Variants in RNF17 observed in about 807,000 individuals in gnomAD.
RNF17 encodes the protein ring finger protein 17, also known as spermatogenesis associated 23.
In RNF17, 31 loss-of-function variants were observed where a neutral mutation model predicts 200.5. The ratio of observed to expected loss-of-function variants is 0.15; its 90% CI spans 0.12 to 0.21. RNF17 has a LOEUF of 0.21. Ranked by LOEUF, RNF17 falls within the 10% of genes least tolerant of loss-of-function variation. The pLI is 1.00. For missense variants in RNF17, 1,628 were observed against 1,905.1 expected, an observed-to-expected ratio of 0.85 and a Z score of 2.71; for synonymous variants, 606 against 637.8, an observed-to-expected ratio of 0.95 and a Z score of 0.75.
the RNF17 span, chr13:24,885,499 G>A: frequency 4.2e-5 from 50 of 1,185,458 alleles, no homozygotes; most frequent in Middle Eastern, 1.3e-3. Flanking sequence ...ATAATGTTAA[G>A]TAAAAACTCT....
Position 24,825,524 on chromosome 13 carries a change from T to C in RNF17, c.2092-95T>C, listed in dbSNP as rs992922041. 5 of 827,192 alleles carry C rather than the reference T, an allele frequency of 6.0e-6. No homozygotes were observed. The African/African-American group carries it at 8.5e-5, about 14-fold the overall frequency. 51.2% of individuals were successfully genotyped at this position (827,192 alleles called of 1,614,324 possible). A position where few individuals can be genotyped will look rare whatever the true frequency, so the allele number is the denominator to read the frequency against. On this transcript the variant is annotated intron_variant, in intron 15 of 35. Coordinates refer to ENST00000255324, the MANE Select transcript of RNF17 (RefSeq NM_031277.3). ...GATTTACATTCAATTCAAGTTTTAA[T>C]GTTTCATAATTTCAATGACAGTGCT...
chr13:24,883,912 TG>T, downstream of RNF17: 1 of 1,612,422 alleles, frequency 6.2e-7, no homozygotes, highest in Non-Finnish European at 8.5e-7. Flanking sequence ...TGAGCACAGA[TG>T]AACAGGTGTC....
At chr13:24,856,120 C>T (rs769206798) in intron 25 of RNF17, among the ~76,000 whole-genome samples, 4 of 151,922 alleles carry the variant, frequency 2.6e-5, no homozygotes, top group South Asian at 2.1e-4. Context: ...TTTTGTATCT[C>T]GTTTTAAATC....
chr13:24,864,472 T>C (rs1352382066), intron 28 of RNF17, among the ~76,000 whole-genome samples: 1 of 152,212 alleles, frequency 6.6e-6, no homozygotes, highest in Non-Finnish European at 1.5e-5. Context: ...TTCCTGCTTT[T>C]AGACTGTTTC....
chr13:24,762,758 G>A (rs963730454), upstream of RNF17, among the ~76,000 whole-genome samples: 3 of 152,122 alleles, frequency 2.0e-5, no homozygotes, highest in Admixed American at 2.0e-4. Flanking sequence ...GCCACCTCCA[G>A]GTGTTTTGTT....
intron 10 of RNF17, chr13:24,794,296 G>A (rs1156738504): frequency 2.2e-6 from 1 of 445,700 alleles, no homozygotes; most frequent in Non-Finnish European, 4.5e-6. Flanking sequence ...TGTATGTGTA[G>A]TAAGTAGCTC....
chr13:24,799,097 C>T (rs1279509820), intron 11 of RNF17, among the ~76,000 whole-genome samples: 1 of 152,116 alleles, frequency 6.6e-6, no homozygotes, highest in African/African-American at 2.4e-5. Flanking sequence ...TCTTGAGCTT[C>T]TTGATGGCAA....
intron 10 of RNF17, among the ~76,000 whole-genome samples, chr13:24,795,817 G>A (rs1884495447): frequency 6.6e-6 from 1 of 152,152 alleles, no homozygotes; most frequent in Non-Finnish European, 1.5e-5. Flanking sequence ...CTGAACTTTT[G>A]TAATACAGTA....
intron 16 of RNF17, among the ~76,000 whole-genome samples, chr13:24,826,300 G>A (rs955441115): frequency 6.6e-6 from 1 of 152,148 alleles, no homozygotes; most frequent in Non-Finnish European, 1.5e-5. Context: ...GAAGATTTAT[G>A]AAAATGGAGG....
chr13:24,847,900 A>G (rs900366681), intron 22 of RNF17, among the ~76,000 whole-genome samples: 18 of 152,348 alleles, frequency 1.2e-4, no homozygotes, highest in Admixed American at 6.5e-5. Context: ...TAGTTCAATC[A>G]GAATAATTGA....
At chr13:24,882,348 C>CTGATTCATAG (rs1289440540), downstream of RNF17, 1 of 151,340 alleles carries the variant, frequency 6.6e-6, no homozygotes, top group Admixed American at 6.6e-5. Context: ...TTAACAAAAC[C>CTGATTCATAG]TGATTCATAG....
chr13:24,829,128 A>G (rs1360360254), intron 16 of RNF17, among the ~76,000 whole-genome samples: 2 of 152,110 alleles, frequency 1.3e-5, no homozygotes, highest in Non-Finnish European at 2.9e-5. Context: ...CTTACCCCCT[A>G]GGCCTTACTA....
chr13:24,789,324 A>G, intron 7 of RNF17, 24 bp from the exon 8 acceptor site: 1 of 1,463,034 alleles, frequency 6.8e-7, no homozygotes, highest in Non-Finnish European at 9.5e-7. Context: ...TTCACACATG[A>G]ATGATTTTTT....
At chr13:24,868,944 A>G (rs894176922) in intron 31 of RNF17, among the ~76,000 whole-genome samples, 3 of 152,120 alleles carry the variant, frequency 2.0e-5, no homozygotes, top group East Asian at 3.9e-4. Context: ...GCTTTATTCA[A>G]TGTTATGCTT....
chr13:24,818,138 T>G (rs1206468089), intron 15 of RNF17, among the ~76,000 whole-genome samples: 5 of 152,204 alleles, frequency 3.3e-5, no homozygotes, highest in African/African-American at 4.8e-5. Context: ...ATTTCTTCTT[T>G]GACCTGTTGG....
At chr13:24,823,317 C>G (rs1224511154) in intron 15 of RNF17, among the ~76,000 whole-genome samples, 1 of 152,186 alleles carries the variant, frequency 6.6e-6, no homozygotes, top group Admixed American at 6.5e-5. Flanking sequence ...CATGATCTGC[C>G]CGCCTCAGCT....
chr13:24,874,358 T>C, intron 33 of RNF17, 109 bp downstream of exon 33: 2 of 900,268 alleles, frequency 2.2e-6, no homozygotes, highest in Non-Finnish European at 3.1e-6. Context: ...TCTAAGGCTG[T>C]TTATAAATTA....
At chr13:24,817,804 C>T (rs1036858352) in intron 15 of RNF17, among the ~76,000 whole-genome samples, 3 of 150,734 alleles carry the variant, frequency 2.0e-5, no homozygotes, top group African/African-American at 7.3e-5. Context: ...ACTTCTCTTT[C>T]TTTTCTAGTT....
At chr13:24,880,928 A>C (rs1159177679), downstream of RNF17, among the ~76,000 whole-genome samples, 1 of 152,214 alleles carries the variant, frequency 6.6e-6, no homozygotes, top group Non-Finnish European at 1.5e-5. Context: ...CTCATTGAAT[A>C]TGCATTCACT....
Sources: gnomAD v4.1 joint callset for allele counts (sites outside exome capture counted in the v4.1 genomes callset) on GRCh38, gnomAD v4.1.1 for gene constraint, MANE v1.5 for transcripts, NCBI Gene and HGNC (gene_info 2026-07-23, HGNC 2026-07-21) for gene names.